XPO5: variants seen among roughly 807,000 people sequenced by gnomAD.
XPO5 encodes exportin 5, also known as exportin-5.
XPO5 carries 46 observed loss-of-function variants against 160.6 expected under a neutral mutation model. The observed-to-expected ratio is 0.29, with a 90% CI of 0.23 to 0.37. XPO5 has a LOEUF of 0.37. XPO5 is among the 10% of genes least tolerant of loss of function. The probability of loss-of-function intolerance (pLI) is 1.00; values close to 1 mark genes in which losing one functional copy is unlikely to be tolerated. For synonymous variants in XPO5, 537 were observed against 519.3 expected (o/e 1.03, Z -0.46); for missense variants, 1,090 against 1,463.9 (o/e 0.74, Z 4.17).
At chr6:43,571,112 GAACA>G in intron 3 of XPO5, 118 bp from the exon 4 acceptor site, 1 of 1,006,562 alleles carries the variant, frequency 9.9e-7, no homozygotes, top group Non-Finnish European at 1.4e-6. Flanking sequence ...AAACCAAACA[GAACA>G]AATGAACCTG....
chr6:43,531,424 CCTATA>C, intron 22 of XPO5, 50 bp downstream of exon 22: 1 of 1,525,902 alleles, frequency 6.6e-7, no homozygotes, highest in Non-Finnish European at 9.1e-7. Context: ...CATGGACATT[CCTATA>C]CAATACATAT....
rs566907079 is a variant in XPO5 at position 43,522,516 on chromosome 6, A to C, written c.*1352T>G. On this transcript the variant is annotated 3_prime_UTR_variant, in exon 32 of 32. Transcript: ENST00000265351. The stretch of plus-strand genomic sequence containing the variant: ...CCCAACCAGACAGGAATAGGCAGCT[A>C]TCAGGTTTGGAGGGAAACACTCTTG... 1.1e-3 allele frequency: 239 copies of C among 223,714 alleles called. 1 individual carries two copies. Among genetic ancestry groups the C allele is most frequent in the African/African-American group, 4.9e-3 (215 of 43,550 alleles). The allele number at this position is 223,714 out of a possible 1,614,324, so 13.9% of individuals were successfully genotyped here.
intron 20 of XPO5, chr6:43,539,551 G>A (rs1476449763): frequency 1.9e-5 from 26 of 1,397,236 alleles, no homozygotes; most frequent in East Asian, 6.9e-5. Flanking sequence ...CCTTGCCTCC[G>A]CGAGCTCCGC....
chr6:43,539,423 A>G (rs1794557642), intron 20 of XPO5: 7 of 1,564,986 alleles, frequency 4.5e-6, no homozygotes, highest in South Asian at 3.4e-5. Flanking sequence ...GAAAAAGTCA[A>G]TGATCTCTGA....
intron 20 of XPO5, among the ~76,000 whole-genome samples, chr6:43,536,546 C>G (rs570601146): frequency 6.6e-6 from 1 of 151,542 alleles, no homozygotes; most frequent in African/African-American, 2.4e-5. Context: ...ATCACGAGGT[C>G]AGGAGTTCAA....
Position 43,551,393 on chromosome 6 carries a change from C to T in XPO5, c.1633G>A (p.Asp545Asn). The change falls in exon 15 of 32, where the codon GAT (aspartate) becomes AAT (asparagine). Residue 545 changes from aspartate to asparagine, a missense_variant. Physicochemically the swap from Asp to Asn is conservative, Grantham distance 23. Coordinates refer to ENST00000265351, the MANE Select transcript of XPO5 (RefSeq NM_020750.3). ...AGGACGCAGGACAGGATGAGGGGAT[C>T]CTTGGTATCAAAGTTCAGAACCATC... ...LQMVLNFDTK[D>N]PLILSCVLTN... 1 of 1,613,886 alleles carries T rather than the reference C, an allele frequency of 6.2e-7. No homozygotes were observed. Among genetic ancestry groups the T allele is most frequent in the Non-Finnish European group, 8.5e-7 (1 of 1,179,854 alleles).
intron 20 of XPO5, chr6:43,539,617 G>A (rs1317629726): frequency 2.6e-5 from 36 of 1,373,790 alleles, no homozygotes; most frequent in South Asian, 1.9e-4. Context: ...TGCCACTGGC[G>A]AAACCTCTGC....
At chr6:43,551,520 A>C in intron 14 of XPO5, 67 bp from the exon 15 acceptor site, 5 of 1,575,008 alleles carry the variant, frequency 3.2e-6, no homozygotes, top group African/African-American at 2.7e-5. Flanking sequence ...TTTTGGCTAC[A>C]TTTTATTTTC....
intron 7 of XPO5, chr6:43,566,561 C>G (rs895436560): frequency 3.1e-5 from 10 of 322,784 alleles, no homozygotes; most frequent in African/African-American, 2.1e-4. Context: ...GTAATCCCAG[C>G]ACTTTAGGAG....
rs1186424177 is a variant in XPO5, at chr6:43,570,626, G to C, written c.497C>G (p.Thr166Ser). Reference sequence around the variant, plus strand: ...TCTTTGAGGGGGAAGTGTCTGAAAAGTCACTACATCCTCTGCCAGTCGCAA... The same window carrying C: ...TCTTTGAGGGGGAAGTGTCTGAAAACTCACTACATCCTCTGCCAGTCGCAA... ...ILLRLAEDVV[T>S]FQTLPPQRRR... The change falls in exon 5 of 32, where the codon ACT (threonine) becomes AGT (serine). Residue 166 changes from threonine to serine, a missense_variant. Physicochemically the swap from Thr to Ser is moderately conservative, Grantham distance 58. Coordinates refer to ENST00000265351, the MANE Select transcript of XPO5 (RefSeq NM_020750.3). 1.2e-6 allele frequency: 2 copies of C among 1,613,700 alleles called. No individual in the cohort carries two copies. The highest frequency in any genetic ancestry group is 8.5e-7 in the Non-Finnish European group (1 of 1,179,826).
At chr6:43,559,757 A>G (rs1211584735) in intron 11 of XPO5, among the ~76,000 whole-genome samples, 1 of 152,220 alleles carries the variant, frequency 6.6e-6, no homozygotes, top group African/African-American at 2.4e-5. Flanking sequence ...GAATAAGAAA[A>G]TATGTCCAGT....
chr6:43,560,840 G>T, intron 10 of XPO5, 84 bp downstream of exon 10: 1 of 1,125,184 alleles, frequency 8.9e-7, no homozygotes, highest in Non-Finnish European at 1.4e-6. Flanking sequence ...TTTTATACAT[G>T]ATCTACAATA....
At position 43,547,664 on chromosome 6, in the gene XPO5, C is replaced by A. The variant is rs1276451447; in HGVS notation, c.2104G>T (p.Asp702Tyr). Residue 702 changes from aspartate to tyrosine, a missense_variant, in exon 19 of 32, where the codon GAT (aspartate) becomes TAT (tyrosine). By Grantham distance (160) the Asp-to-Tyr change is radical. Transcript: ENST00000265351. ...VDAFIAYVGT[D>Y]QKSCDPGLED... ...AGGCCTGGGTCACAGCTCTTCTGAT[C>A]TGTACCCACATACGCAATGAAAGCA... is the stretch of plus-strand genomic sequence containing the variant. The A allele has an allele frequency of 6.2e-7, 1 of 1,614,028 alleles. No homozygotes were observed. The highest frequency in any genetic ancestry group is 1.6e-4 in the Middle Eastern group (1 of 6,062).
In XPO5 at chr6:43,526,714, T is replaced by G. The variant is rs776080943; in HGVS notation, c.2954A>C (p.His985Pro). 2 of 1,613,920 alleles carry G rather than the reference T, an allele frequency of 1.2e-6. No individual in the cohort carries two copies. The highest frequency in any genetic ancestry group is 2.2e-5 in the South Asian group (2 of 91,060). The stretch of plus-strand genomic sequence containing the variant: ...TCCATCTGCTGGGGGAGCACTACTG[T>G]GGTCAGCACCCTTCTTTGAAACACA... ...VCCVSKKGADHSSAPPADGDD... is the reference protein window; with the variant it reads ...VCCVSKKGADPSSAPPADGDD... The change falls in exon 27 of 32, where the codon CAC becomes CCC. Residue 985 changes from histidine to proline, a missense_variant. Coordinates refer to ENST00000265351, the MANE Select transcript of XPO5 (RefSeq NM_020750.3).
chr6:43,566,811 TAAAAAAA>T (rs56147929), intron 7 of XPO5, among the ~76,000 whole-genome samples: 3 of 101,674 alleles, frequency 3.0e-5, no homozygotes, highest in Non-Finnish European at 6.1e-5. Context: ...CTGTTTCAAT[TAAAAAAA>T]AAAAAAAAAA....
chr6:43,573,170 A>AT (rs1246645774), intron 2 of XPO5, among the ~76,000 whole-genome samples: 1 of 152,224 alleles, frequency 6.6e-6, no homozygotes, highest in Non-Finnish European at 1.5e-5. Flanking sequence ...TATACATTGC[A>AT]TTACTCTAAA....
At chr6:43,529,535 C>G (rs1319243503) in intron 23 of XPO5, 1 of 152,012 alleles carries the variant, frequency 6.6e-6, no homozygotes, top group Admixed American at 6.8e-5. Context: ...GCCTGGGCAA[C>G]AGAGCAAGAC....
At chr6:43,550,967 G>A in intron 15 of XPO5, 1 of 175,910 alleles carries the variant, frequency 5.7e-6, no homozygotes. Context: ...TTTCTTCCCA[G>A]AGTGTTCCTA....
chr6:43,558,480 TC>T lies in XPO5; in HGVS notation c.1312+20del. ...GCCATTCTGAGACTGTTGAGAGAAA[TC>T]CAAGGCCAACATCACTTACAGTTGA... On this transcript the variant is annotated intron_variant, in intron 12 of 31. Coordinates refer to ENST00000265351, the MANE Select transcript of XPO5 (RefSeq NM_020750.3). The T allele has an allele frequency of 6.4e-7, 1 of 1,572,674 alleles. No homozygotes were observed. Among genetic ancestry groups the T allele is most frequent in the Non-Finnish European group, 8.6e-7 (1 of 1,160,748 alleles).
Sources: allele counts gnomAD v4.1 joint callset (sites outside exome capture counted in the v4.1 genomes callset), GRCh38; gene constraint gnomAD v4.1.1; transcripts MANE v1.5; gene names NCBI Gene and HGNC (gene_info 2026-07-23, HGNC 2026-07-21).